BMPR1B: variants seen among roughly 807,000 people sequenced by gnomAD.
BMPR1B encodes bone morphogenetic protein receptor type 1B.
BMPR1B carries 12 observed loss-of-function variants against 59.1 expected under a neutral mutation model. The ratio of observed to expected loss-of-function variants is 0.20; its 90% CI spans 0.13 to 0.33. BMPR1B has a LOEUF of 0.33. Ranked by LOEUF, BMPR1B falls within the 10% of genes least tolerant of loss-of-function variation. The probability of loss-of-function intolerance (pLI) is 1.00; values close to 1 mark genes in which losing one functional copy is unlikely to be tolerated. For missense variants in BMPR1B, 550 were observed against 610.9 expected, an observed-to-expected ratio of 0.90 and a Z score of 1.05; for synonymous variants, 237 against 207.3, an observed-to-expected ratio of 1.14 and a Z score of -1.23.
intron 1 of BMPR1B, among the ~76,000 whole-genome samples, chr4:94,809,048 C>T (rs9968534): frequency 0.048 from 7,288 of 152,170 alleles, 459 homozygotes; most frequent in East Asian, 0.15. Context: ...GAGCAAGACT[C>T]TGTATCAAGA....
intron 3 of BMPR1B, among the ~76,000 whole-genome samples, chr4:95,014,802 C>T (rs776970997): frequency 6.6e-6 from 1 of 152,054 alleles, no homozygotes; most frequent in South Asian, 2.1e-4. Context: ...AGATTCGGAC[C>T]TTTTTGAGAT....
At chr4:95,148,678 C>T (rs1734818099) in intron 10 of BMPR1B, 70 bp from the exon 11 acceptor site, 2 of 1,498,110 alleles carry the variant, frequency 1.3e-6, no homozygotes, top group Non-Finnish European at 1.9e-6. Context: ...GCCATTGTTT[C>T]AGAATCACCT....
chr4:94,854,192 T>TA (rs140723151), intron 1 of BMPR1B, among the ~76,000 whole-genome samples: 38,948 of 151,892 alleles, frequency 0.26, 5,310 homozygotes, highest in East Asian at 0.39. Flanking sequence ...CCTGAAATGA[T>TA]AAAAAATGGA....
Position 95,115,741 on chromosome 4 carries a change from A to G in BMPR1B, c.303A>G (p.Glu101=). The change falls in exon 6 of 13, where the codon GAA becomes GAG. Residue 101 remains glutamate (E), a synonymous_variant. Coordinates refer to ENST00000515059, the MANE Select transcript of BMPR1B (RefSeq NM_001203.3). ...TTGAATGCTGCACAGAAAGGAACGA[A>G]TGTAATAAAGACCTACACCCTACAC... ...RSIECCTERN[E]CNKDLHPTLP... The G allele has an allele frequency of 1.2e-6, 2 of 1,613,790 alleles. No homozygotes were observed. The highest frequency in any genetic ancestry group is 1.7e-6 in the Non-Finnish European group (2 of 1,179,838).
chr4:94,862,195 G>T, intron 1 of BMPR1B, among the ~76,000 whole-genome samples: 1 of 151,458 alleles, frequency 6.6e-6, no homozygotes. Context: ...GTGTCACCCA[G>T]GCTGGAGTAC....
chr4:94,989,725 T>C (rs1235849707), intron 2 of BMPR1B, among the ~76,000 whole-genome samples: 2 of 152,226 alleles, frequency 1.3e-5, no homozygotes, highest in Admixed American at 1.3e-4. Context: ...ATATTTCTTA[T>C]TCCTTATTCA....
chr4:95,088,154 T>C (rs527547781), intron 3 of BMPR1B, among the ~76,000 whole-genome samples: 1 of 152,314 alleles, frequency 6.6e-6, no homozygotes, highest in African/African-American at 2.4e-5. Flanking sequence ...TTGCAATCTA[T>C]TTAATTGAGA....
intron 4 of BMPR1B, among the ~76,000 whole-genome samples, chr4:95,111,585 C>T (rs754213370): frequency 6.6e-6 from 1 of 151,962 alleles, no homozygotes; most frequent in Non-Finnish European, 1.5e-5. Context: ...AAATTTTTGA[C>T]CATAATAAAT....
rs150818771 is a variant in BMPR1B, at chr4:94,786,712, G to T, written c.-183+28644G>T. Among the ~76,000 whole-genome samples the T allele has an allele frequency of 1.0e-3, 141 of 139,150 alleles. 3 individuals are homozygous for T. The East Asian group carries it at 0.024, about 24-fold the overall frequency. 91.3% of individuals were successfully genotyped at this position (139,150 alleles called of 152,430 possible). On this transcript the variant is annotated intron_variant, in intron 1 of 12. Coordinates refer to ENST00000515059, the MANE Select transcript of BMPR1B (RefSeq NM_001203.3). ...CACCACCATGCCTGGTTAATTTTTT[G>T]TATTTTTTTTTTTAGTAGAGATGGG...
At chr4:95,140,317 G>T (rs1278919329) in intron 10 of BMPR1B, among the ~76,000 whole-genome samples, 8 of 151,636 alleles carry the variant, frequency 5.3e-5, no homozygotes, top group Admixed American at 1.3e-4. Flanking sequence ...GAAGGAAAAA[G>T]AACTTTTTTC....
chr4:94,960,025 A>T (rs1730290736), intron 2 of BMPR1B, among the ~76,000 whole-genome samples: 1 of 152,158 alleles, frequency 6.6e-6, no homozygotes, highest in Admixed American at 6.5e-5. Flanking sequence ...GTGTCAACAC[A>T]TATTGAATTA....
At chr4:95,091,484 G>C in intron 3 of BMPR1B, 1 of 985,300 alleles carries the variant, frequency 1.0e-6, no homozygotes, top group Non-Finnish European at 1.2e-6. Flanking sequence ...CTTAACTGCT[G>C]AATAACATAT....
intron 3 of BMPR1B, among the ~76,000 whole-genome samples, chr4:95,005,009 T>C (rs978386562): frequency 6.6e-6 from 1 of 152,206 alleles, no homozygotes; most frequent in Non-Finnish European, 1.5e-5. Flanking sequence ...TGCTTTTTTT[T>C]CTTTAGCCAT....
chr4:95,133,623 G>C (rs1347012080), intron 10 of BMPR1B, among the ~76,000 whole-genome samples: 2 of 151,952 alleles, frequency 1.3e-5, no homozygotes, highest in Non-Finnish European at 2.9e-5. Context: ...CCAGACTGGA[G>C]TGCAGTGGCA....
rs533973653 is a variant in BMPR1B, at chr4:94,969,117, C to T, written c.-112-26923C>T. Among the ~76,000 whole-genome samples the T allele has an allele frequency of 8.6e-5, 13 of 152,006 alleles. No homozygotes were observed. The East Asian group carries it at 9.7e-4, about 11-fold the overall frequency. ...TGGTGTGATCTCAGCTCACTGCAAC[C>T]GCCACCTCCTGGGTTCAAGCGATTC... On this transcript the variant is annotated intron_variant, in intron 2 of 12. Transcript: ENST00000515059.
At chr4:94,827,940 T>C (rs1291907644) in intron 1 of BMPR1B, among the ~76,000 whole-genome samples, 1 of 152,178 alleles carries the variant, frequency 6.6e-6, no homozygotes, top group Non-Finnish European at 1.5e-5. Flanking sequence ...GCTTTTCCTT[T>C]TCTCAGTTAA....
intron 3 of BMPR1B, among the ~76,000 whole-genome samples, chr4:95,005,260 G>T (rs527897669): frequency 2.6e-5 from 4 of 152,130 alleles, no homozygotes; most frequent in African/African-American, 9.6e-5. Context: ...TAAAATTTTG[G>T]TTATATTTTA....
At chr4:94,824,762 T>C (rs1724325824) in intron 1 of BMPR1B, among the ~76,000 whole-genome samples, 1 of 152,166 alleles carries the variant, frequency 6.6e-6, no homozygotes, top group Non-Finnish European at 1.5e-5. Flanking sequence ...TGGTATGCTT[T>C]TGAGTAAAAA....
At chr4:94,929,089 A>G (rs1728997024) in intron 2 of BMPR1B, among the ~76,000 whole-genome samples, 1 of 152,138 alleles carries the variant, frequency 6.6e-6, no homozygotes, top group Admixed American at 6.6e-5. Flanking sequence ...TAGATTGTGG[A>G]GCATGAAACT....
Sources: allele counts gnomAD v4.1 joint callset (sites outside exome capture counted in the v4.1 genomes callset), GRCh38; gene constraint gnomAD v4.1.1; transcripts MANE v1.5; gene names NCBI Gene and HGNC (gene_info 2026-07-23, HGNC 2026-07-21).